Variants in HCN1 observed in about 807,000 individuals in gnomAD.
HCN1 encodes potassium/sodium hyperpolarization-activated cyclic nucleotide-gated channel 1.
Under a neutral mutation model 78.9 loss-of-function variants are expected in HCN1, and 13 were observed. That is an observed-to-expected ratio of 0.16 (90% confidence interval 0.11 to 0.26). The LOEUF (loss-of-function observed/expected upper bound fraction) is 0.26. Ranked by LOEUF, HCN1 falls within the 10% of genes least tolerant of loss-of-function variation. The pLI is 1.00. For missense variants in HCN1, 810 were observed against 1,154.3 expected, an observed-to-expected ratio of 0.70 and a Z score of 4.32; for synonymous variants, 552 against 455.5, an observed-to-expected ratio of 1.21 and a Z score of -2.70.
At chr5:45,354,988 G>C (rs1416739952) in intron 4 of HCN1, among the ~76,000 whole-genome samples, 1 of 151,952 alleles carries the variant, frequency 6.6e-6, no homozygotes, top group Admixed American at 6.6e-5. Flanking sequence ...CTCTGTCTCT[G>C]AATTTGGAAA....
intron 2 of HCN1, among the ~76,000 whole-genome samples, chr5:45,469,366 A>G (rs1350315392): frequency 6.6e-6 from 1 of 151,992 alleles, no homozygotes; most frequent in African/African-American, 2.4e-5. Context: ...AAGAAATTTC[A>G]ATGGATTAAT....
At position 45,696,084 on chromosome 5, in the gene HCN1, C is replaced by T. The variant is rs1740007380; in HGVS notation, c.10G>A (p.Gly4Ser). Residue 4 changes from glycine to serine, a missense_variant, in exon 1 of 8, where the codon GGC (glycine) becomes AGC (serine). Physicochemically the swap from Gly to Ser is moderately conservative, Grantham distance 56. Around this residue, in one of 6 missense-constraint regions of HCN1, gnomAD observed 170 missense variants for 166.8 expected, o/e 1.02. Transcript: ENST00000303230. MEG[G>S]GKPNSSSNSR... ...TTAGACGAAGAGTTGGGCTTGCCGCCTCCTTCCATGCCCGGAGGACGCGGC... is the reference window on the plus strand; with the variant it reads ...TTAGACGAAGAGTTGGGCTTGCCGCTTCCTTCCATGCCCGGAGGACGCGGC... 7.4e-7 allele frequency: 1 copy of T among 1,351,252 alleles called. No homozygotes were observed. The allele number at this position is 1,351,252 out of a possible 1,614,324, so 83.7% of individuals were successfully genotyped here.
intron 2 of HCN1, among the ~76,000 whole-genome samples, chr5:45,518,640 G>A (rs1281031428): frequency 6.6e-6 from 1 of 152,002 alleles, no homozygotes; most frequent in East Asian, 1.9e-4. Context: ...TTCAGGGGCT[G>A]AAGAGAATCA....
chr5:45,688,862 T>C (rs1316319015), intron 1 of HCN1, among the ~76,000 whole-genome samples: 1 of 152,090 alleles, frequency 6.6e-6, no homozygotes, highest in African/African-American at 2.4e-5. Context: ...AACATTATGC[T>C]AAGTGAAAGA....
At chr5:45,684,239 T>C (rs1255657158) in intron 1 of HCN1, among the ~76,000 whole-genome samples, 1 of 152,168 alleles carries the variant, frequency 6.6e-6, no homozygotes, top group Non-Finnish European at 1.5e-5. Flanking sequence ...AAGCCTAGAA[T>C]CACTAACACA....
chr5:45,429,976 C>G (rs1351537080), intron 3 of HCN1, among the ~76,000 whole-genome samples: 5 of 150,868 alleles, frequency 3.3e-5, no homozygotes, highest in Admixed American at 3.3e-4. Flanking sequence ...TTAAGAAAGG[C>G]AAGATAATGT....
chr5:45,468,009 G>T (rs1365578942), intron 2 of HCN1, among the ~76,000 whole-genome samples: 1 of 151,982 alleles, frequency 6.6e-6, no homozygotes, highest in African/African-American at 2.4e-5. Context: ...ATGGCTATAT[G>T]TACACATTTC....
At chr5:45,606,433 C>T (rs1157858881) in intron 2 of HCN1, among the ~76,000 whole-genome samples, 6 of 151,826 alleles carry the variant, frequency 4.0e-5, no homozygotes, top group African/African-American at 1.5e-4. Flanking sequence ...GGCATTTATC[C>T]TGAGGAAATA....
intron 2 of HCN1, among the ~76,000 whole-genome samples, chr5:45,564,148 G>C (rs752658687): frequency 6.6e-6 from 1 of 152,036 alleles, no homozygotes; most frequent in Non-Finnish European, 1.5e-5. Flanking sequence ...ACTTCATTCT[G>C]CTCCACAAAG....
chr5:45,467,939 C>T (rs1028388195), intron 2 of HCN1, among the ~76,000 whole-genome samples: 4 of 152,018 alleles, frequency 2.6e-5, no homozygotes, highest in African/African-American at 4.8e-5. Context: ...CACAACTCAT[C>T]GGAACTTTGA....
chr5:45,449,983 C>A (rs1012585120), intron 3 of HCN1, among the ~76,000 whole-genome samples: 19 of 152,150 alleles, frequency 1.2e-4, no homozygotes, highest in Non-Finnish European at 5.9e-5. Flanking sequence ...CAGGTGCCTG[C>A]CACCACGTCC....
At chr5:45,595,122 G>T (rs547105720) in intron 2 of HCN1, among the ~76,000 whole-genome samples, 23 of 152,250 alleles carry the variant, frequency 1.5e-4, no homozygotes, top group African/African-American at 4.6e-4. Context: ...GAGAACAATA[G>T]AAATTGAAAT....
At chr5:45,571,824 G>T (rs1743843058) in intron 2 of HCN1, among the ~76,000 whole-genome samples, 1 of 152,156 alleles carries the variant, frequency 6.6e-6, no homozygotes, top group Non-Finnish European at 1.5e-5. Flanking sequence ...TGAGGCAGGA[G>T]AATTGCCTGA....
chr5:45,611,568 G>A (rs1435686363), intron 2 of HCN1, among the ~76,000 whole-genome samples: 1 of 151,778 alleles, frequency 6.6e-6, no homozygotes, highest in African/African-American at 2.4e-5. Context: ...CACGGTGCCT[G>A]GCCCCTACCA....
At chr5:45,443,921 G>A (rs754263210) in intron 3 of HCN1, among the ~76,000 whole-genome samples, 13 of 151,996 alleles carry the variant, frequency 8.6e-5, no homozygotes, top group Non-Finnish European at 1.6e-4. Context: ...AAGTTTTTCA[G>A]TCAAGGATTT....
chr5:45,399,878 A>T (rs1374054462), intron 3 of HCN1, among the ~76,000 whole-genome samples: 1 of 152,140 alleles, frequency 6.6e-6, no homozygotes, highest in East Asian at 1.9e-4. Context: ...AACACAAGAA[A>T]ATTAGTTGTA....
At chr5:45,436,079 GACAT>G (rs1469591572) in intron 3 of HCN1, among the ~76,000 whole-genome samples, 1 of 152,114 alleles carries the variant, frequency 6.6e-6, no homozygotes, top group Non-Finnish European at 1.5e-5. Flanking sequence ...ACATTTAACT[GACAT>G]ACATATAAAT....
At chr5:45,660,622 A>G (rs1243930034) in intron 1 of HCN1, among the ~76,000 whole-genome samples, 1 of 151,840 alleles carries the variant, frequency 6.6e-6, no homozygotes, top group Non-Finnish European at 1.5e-5. Flanking sequence ...TACCAAGCCA[A>G]TGGAAAACAA....
intron 6 of HCN1, among the ~76,000 whole-genome samples, chr5:45,294,891 AAACT>A (rs1337538546): frequency 2.0e-5 from 3 of 152,084 alleles, no homozygotes; most frequent in Non-Finnish European, 2.9e-5. Context: ...GTTCAGAAAC[AAACT>A]GAGTTTGAAA....
Sources: allele counts gnomAD v4.1 joint callset (sites outside exome capture counted in the v4.1 genomes callset), GRCh38; gene constraint gnomAD v4.1.1; regional missense constraint gnomAD v4.1.1; transcripts MANE v1.5; gene names NCBI Gene and HGNC (gene_info 2026-07-23, HGNC 2026-07-21).